The following UBN2 variants were observed in gnomAD, a reference collection of about 807,000 sequenced individuals.
UBN2 encodes the protein ubinuclein 2.
In UBN2, 35 loss-of-function variants were observed where a neutral mutation model predicts 120.2. That is an observed-to-expected ratio of 0.29 (90% CI 0.22 to 0.39). The LOEUF (loss-of-function observed/expected upper bound fraction) is 0.39. Ranked by LOEUF, UBN2 falls within the 10% of genes least tolerant of loss-of-function variation. The pLI is 1.00. For missense variants in UBN2, 1,693 were observed against 1,663.2 expected (o/e 1.02, Z -0.31); for synonymous variants, 661 against 648.7 (o/e 1.02, Z -0.29).
In UBN2 at chr7:139,292,682, A is replaced by G. The variant is rs116797583; in HGVS notation, c.3670-550A>G. ...TATGAGAAGGCAGAGGAAACATGGAAAAGGTGCAGTACTAGATATTTATAC... is the reference window on the plus strand; with the variant it reads ...TATGAGAAGGCAGAGGAAACATGGAGAAGGTGCAGTACTAGATATTTATAC... On this transcript the variant is annotated intron_variant, in intron 15 of 17. Transcript: ENST00000473989. 4.7e-3 allele frequency among the ~76,000 whole-genome samples: 712 copies of G among 152,318 alleles called. 7 individuals are homozygous for G. Among genetic ancestry groups the G allele is most frequent in the African/African-American group, 0.017 (693 of 41,552 alleles).
At chr7:139,240,226 T>C (rs917120703) in intron 2 of UBN2, among the ~76,000 whole-genome samples, 21 of 151,858 alleles carry the variant, frequency 1.4e-4, no homozygotes, top group African/African-American at 5.1e-4. Flanking sequence ...AGAGATTGTA[T>C]GTATATTAAC....
chr7:139,234,416 G>A (rs1192163695), intron 1 of UBN2, among the ~76,000 whole-genome samples: 1 of 152,038 alleles, frequency 6.6e-6, no homozygotes, highest in Non-Finnish European at 1.5e-5. Flanking sequence ...AACATAATCA[G>A]AAATTTTTCT....
chr7:139,245,619 C>G (rs1028403218), intron 2 of UBN2, among the ~76,000 whole-genome samples: 1 of 152,140 alleles, frequency 6.6e-6, no homozygotes, highest in Non-Finnish European at 1.5e-5. Context: ...TACAACAGAA[C>G]CTGTTTGTTT....
At position 139,247,608 on chromosome 7, in the gene UBN2, A is replaced by G. The variant is rs548689937; in HGVS notation, c.562-4348A>G. ...CCCCATTTGTCAAATGTGAAATAAT[A>G]GATGATTGTACTTAGTATAGGATCT... On this transcript the variant is annotated intron_variant, in intron 2 of 17. Transcript: ENST00000473989. Among the ~76,000 whole-genome samples, 3 of 152,322 alleles carry G rather than the reference A, an allele frequency of 2.0e-5. No homozygotes were observed. In the South Asian group the frequency reaches 6.2e-4, roughly 32 times the overall value.
rs1157265778 is a variant in UBN2 at position 139,303,444 on chromosome 7, A to G, written c.*5608A>G. ...GAAGAGACTAGTGGCTTAAAAGGAG[A>G]AAGCAGAAGCTCCTGGTAGTGTTAC... On this transcript the variant is annotated 3_prime_UTR_variant, in exon 18 of 18. Coordinates refer to ENST00000473989, the MANE Select transcript of UBN2 (RefSeq NM_173569.4). The G allele has an allele frequency of 6.6e-6, 1 of 152,194 alleles. No individual in the cohort carries two copies. Among genetic ancestry groups the G allele is most frequent in the East Asian group, 1.9e-4 (1 of 5,196 alleles). The allele number at this position is 152,194 out of a possible 1,614,324, so 9.4% of individuals were successfully genotyped here.
rs181363255 is a variant in UBN2, at chr7:139,298,683, G to A, written c.*847G>A. On this transcript the variant is annotated 3_prime_UTR_variant, in exon 18 of 18. Transcript: ENST00000473989. ...CCATTCTTGATGTTAAAATGTGACTGTGTTCACATTTTTCTCCTGAGAAAT... is the reference window on the plus strand; with the variant it reads ...CCATTCTTGATGTTAAAATGTGACTATGTTCACATTTTTCTCCTGAGAAAT... The A allele has an allele frequency of 6.6e-6, 1 of 151,904 alleles. No individual in the cohort carries two copies. The highest frequency in any genetic ancestry group is 1.9e-4 in the East Asian group (1 of 5,172). 9.4% of individuals were successfully genotyped at this position (151,904 alleles called of 1,614,324 possible).
At chr7:139,272,070 C>T (rs1481927875) in intron 8 of UBN2, among the ~76,000 whole-genome samples, 1 of 152,110 alleles carries the variant, frequency 6.6e-6, no homozygotes, top group Non-Finnish European at 1.5e-5. Flanking sequence ...TAATGGAACA[C>T]TATTAATAAT....
the UBN2 span, among the ~76,000 whole-genome samples, chr7:139,329,923 G>C: frequency 2.0e-5 from 3 of 152,094 alleles, no homozygotes; most frequent in East Asian, 5.8e-4. Context: ...AAATAGCTGT[G>C]GCCATGGCTG....
the UBN2 span, among the ~76,000 whole-genome samples, chr7:139,320,087 A>G: frequency 6.8e-6 from 1 of 147,612 alleles, no homozygotes; most frequent in South Asian, 2.1e-4. Context: ...AAAAAAAAAA[A>G]GAGAGAAATT....
In UBN2 at chr7:139,284,592, G is replaced by A. The variant is rs545049218; in HGVS notation, c.3669+18G>A. 3.8e-5 allele frequency: 59 copies of A among 1,572,890 alleles called. No individual in the cohort carries two copies. Among genetic ancestry groups the A allele is most frequent in the South Asian group, 3.4e-4 (30 of 87,458 alleles). On this transcript the variant is annotated intron_variant, in intron 15 of 17. Coordinates refer to ENST00000473989, the MANE Select transcript of UBN2 (RefSeq NM_173569.4). ...GTGTGCAGGTATGTATGTTCTGTACGTCCATGTGATAAACTATAAGATTGT... is the reference window on the plus strand; with the variant it reads ...GTGTGCAGGTATGTATGTTCTGTACATCCATGTGATAAACTATAAGATTGT...
rs1457945007 is a variant in UBN2, at chr7:139,231,498, G to A, written c.14G>A (p.Arg5His). Residue 5 changes from arginine to histidine, a missense_variant, in exon 1 of 18, where the codon CGC becomes CAC. This residue lies in a region of UBN2 where 663 missense variants were observed against 591.2 expected (regional missense o/e 1.12). Transcript: ENST00000473989. ...AGAACAGTGGGGATGGCGGAGCCGC[G>A]CAGAGTAGCGTTCATTAGCTTGTCA... MAEP[R>H]RVAFISLSPV... The A allele has an allele frequency of 2.1e-6, 3 of 1,398,404 alleles. No individual in the cohort carries two copies. The highest frequency in any genetic ancestry group is 3.1e-5 in the South Asian group (2 of 64,702). 86.6% of individuals were successfully genotyped at this position (1,398,404 alleles called of 1,614,324 possible).
chr7:139,265,392 C>G (rs1384849282), intron 6 of UBN2, among the ~76,000 whole-genome samples: 3 of 152,038 alleles, frequency 2.0e-5, no homozygotes, highest in Non-Finnish European at 4.4e-5. Flanking sequence ...GCAGGAGGAT[C>G]ACCTAAACCC....
At chr7:139,291,743 A>G (rs1366909853) in intron 15 of UBN2, among the ~76,000 whole-genome samples, 1 of 152,012 alleles carries the variant, frequency 6.6e-6, no homozygotes, top group Non-Finnish European at 1.5e-5. Flanking sequence ...AGTCCCAGCT[A>G]CTTGGGAGGC....
At chr7:139,285,639 C>G (rs1270286521) in intron 15 of UBN2, among the ~76,000 whole-genome samples, 1 of 152,086 alleles carries the variant, frequency 6.6e-6, no homozygotes, top group Non-Finnish European at 1.5e-5. Context: ...CATCTCAGAA[C>G]TGGTTATTTA....
rs766751445 is a variant in UBN2 at position 139,301,704 on chromosome 7, GTTTTGTTTCTGT to G, written c.*3877_*3888del. ...TTTGCTTTTTTTTTGTTTGTTTTTT[GTTTTGTTTCTGT>G]TTTTGTTTTTTTTTAAAGTTGGAAA... On this transcript the variant is annotated 3_prime_UTR_variant, in exon 18 of 18. Transcript: ENST00000473989. 8.0e-5 allele frequency: 12 copies of G among 150,866 alleles called. No homozygotes were observed. The highest frequency in any genetic ancestry group is 1.6e-4 in the Non-Finnish European group (11 of 67,738). The allele number at this position is 150,866 out of a possible 1,614,324, so 9.3% of individuals were successfully genotyped here. A position where few individuals can be genotyped will look rare whatever the true frequency, so the allele number is the denominator to read the frequency against.
chr7:139,263,695 AC>A (rs1171251761), intron 6 of UBN2, among the ~76,000 whole-genome samples: 1 of 148,524 alleles, frequency 6.7e-6, no homozygotes, highest in Non-Finnish European at 1.5e-5. Context: ...AATTGCTTGA[AC>A]CCGGGAGGTG....
chr7:139,240,794 T>C (rs1226518676), intron 2 of UBN2, among the ~76,000 whole-genome samples: 1 of 152,232 alleles, frequency 6.6e-6, no homozygotes, highest in Non-Finnish European at 1.5e-5. Flanking sequence ...ACAGTTCATA[T>C]TCAGCATCAA....
chr7:139,298,025 T>C lies in UBN2; in HGVS notation c.*189T>C. On this transcript the variant is annotated 3_prime_UTR_variant, in exon 18 of 18. Coordinates refer to ENST00000473989, the MANE Select transcript of UBN2 (RefSeq NM_173569.4). ...CAAAGCCAGGTGCAGGAGGAAGAAA[T>C]GCTTTTGTGCAAAGTTAGTGACCTT... 1 of 597,238 alleles carries C rather than the reference T, an allele frequency of 1.7e-6. No homozygotes were observed. The highest frequency in any genetic ancestry group is 2.9e-6 in the Non-Finnish European group (1 of 342,978). The allele number at this position is 597,238 out of a possible 1,614,324, so 37.0% of individuals were successfully genotyped here. A position where few individuals can be genotyped will look rare whatever the true frequency, so the allele number is the denominator to read the frequency against.
At position 139,293,306 on chromosome 7, in the gene UBN2, T is replaced by C; in HGVS notation, c.3744T>C (p.Asn1248=). The change falls in exon 16 of 18, where the codon AAT becomes AAC. Residue 1248 remains asparagine (N), a synonymous_variant. Transcript: ENST00000473989. ...TLMTSPLSVT[N]QNVTPFGMLG... ...TGACATCACCTTTGTCTGTAACAAA[T>C]CAAAATGTGACTCCTTTTGGGATGC... The C allele has an allele frequency of 1.2e-6, 2 of 1,614,220 alleles. No homozygotes were observed. The highest frequency in any genetic ancestry group is 1.7e-6 in the Non-Finnish European group (2 of 1,180,034).
Sources: gnomAD v4.1 joint callset for allele counts (sites outside exome capture counted in the v4.1 genomes callset) on GRCh38, gnomAD v4.1.1 for gene constraint, gnomAD v4.1.1 regional missense constraint, MANE v1.5 for transcripts, NCBI Gene and HGNC (gene_info 2026-07-23, HGNC 2026-07-21) for gene names.